MYO3B: variants seen among roughly 807,000 people sequenced by gnomAD.
MYO3B encodes myosin-IIIb.
MYO3B carries 156 observed loss-of-function variants against 174.6 expected under a neutral mutation model. The ratio of observed to expected loss-of-function variants is 0.89; its 90% CI spans 0.78 to 1.02. MYO3B has a LOEUF of 1.02. Ranked by LOEUF, MYO3B falls within the 50% of genes least tolerant of loss-of-function variation. MYO3B has a pLI of 0.00. For missense variants in MYO3B, 1,632 were observed against 1,639.4 expected, an observed-to-expected ratio of 1.00 and a Z score of 0.08; for synonymous variants, 563 against 569.1, an observed-to-expected ratio of 0.99 and a Z score of 0.15.
chr2:170,188,668 T>G (rs1432959192), intron 1 of MYO3B, among the ~76,000 whole-genome samples: 2 of 152,194 alleles, frequency 1.3e-5, no homozygotes, highest in African/African-American at 2.4e-5. Flanking sequence ...TTGCAAATAA[T>G]AGCTTATAAT....
chr2:170,431,759 A>G (rs17498062), intron 22 of MYO3B, among the ~76,000 whole-genome samples: 11,782 of 152,270 alleles, frequency 0.077, 556 homozygotes, highest in Non-Finnish European at 0.1. Flanking sequence ...CCTTTCTTCA[A>G]TAAAACCGAT....
At chr2:170,620,322 A>T (rs1042807373) in intron 32 of MYO3B, among the ~76,000 whole-genome samples, 2 of 152,216 alleles carry the variant, frequency 1.3e-5, no homozygotes, top group Non-Finnish European at 2.9e-5. Context: ...AATTAATAAG[A>T]GTTTACTGTA....
chr2:170,395,120 A>G (rs959757416), intron 16 of MYO3B, among the ~76,000 whole-genome samples: 1 of 152,198 alleles, frequency 6.6e-6, no homozygotes, highest in South Asian at 2.1e-4. Context: ...CAGCCAAAGT[A>G]TCTGAAAGAA....
At chr2:170,186,733 C>A (rs531159265) in intron 1 of MYO3B, among the ~76,000 whole-genome samples, 46 of 152,220 alleles carry the variant, frequency 3.0e-4, no homozygotes, top group African/African-American at 1.1e-3. Flanking sequence ...TAAAATTCAG[C>A]AGTGAAGCCA....
rs556602863 is a variant in MYO3B at position 170,478,762 on chromosome 2, G to T, written c.3014+12051G>T. On this transcript the variant is annotated intron_variant, in intron 25 of 34. Transcript: ENST00000408978. ...TTTTTTGTATTTTTAGTAGAGATGGGGTTTCACCATGTTGGCCAGGCTGAT... is the reference window on the plus strand; with the variant it reads ...TTTTTTGTATTTTTAGTAGAGATGGTGTTTCACCATGTTGGCCAGGCTGAT... Among the ~76,000 whole-genome samples, 91 of 149,106 alleles carry T rather than the reference G, an allele frequency of 6.1e-4. 1 individual carries two copies. Among genetic ancestry groups the T allele is most frequent in the African/African-American group, 2.1e-3 (86 of 40,616 alleles).
intron 6 of MYO3B, among the ~76,000 whole-genome samples, chr2:170,225,341 A>G (rs2105391526): frequency 6.6e-6 from 1 of 152,342 alleles, no homozygotes; most frequent in South Asian, 2.1e-4. Flanking sequence ...TTTGTCTCCA[A>G]AGTCCTTACT....
At chr2:170,338,965 C>T (rs1219265433) in intron 8 of MYO3B, among the ~76,000 whole-genome samples, 3 of 152,174 alleles carry the variant, frequency 2.0e-5, no homozygotes, top group Non-Finnish European at 4.4e-5. Flanking sequence ...ATTACTCAGC[C>T]TATCAAATGC....
At chr2:170,202,337 T>C (rs2092670922) in intron 3 of MYO3B, among the ~76,000 whole-genome samples, 1 of 152,214 alleles carries the variant, frequency 6.6e-6, no homozygotes, top group Non-Finnish European at 1.5e-5. Context: ...TATGAGATAC[T>C]GGGTGTCCTC....
chr2:170,495,787 G>T (rs887075796), intron 25 of MYO3B, among the ~76,000 whole-genome samples: 1 of 152,174 alleles, frequency 6.6e-6, no homozygotes, highest in Admixed American at 6.5e-5. Flanking sequence ...GTAAATGGCT[G>T]GTCCTAAAAG....
At chr2:170,483,099 A>C (rs1208136688) in intron 25 of MYO3B, among the ~76,000 whole-genome samples, 1 of 152,268 alleles carries the variant, frequency 6.6e-6, no homozygotes, top group Admixed American at 6.5e-5. Context: ...TGGTGGTTTG[A>C]AAAAGTGGAT....
intron 5 of MYO3B, among the ~76,000 whole-genome samples, chr2:170,215,287 T>C (rs1017771813): frequency 6.6e-6 from 1 of 152,192 alleles, no homozygotes; most frequent in Non-Finnish European, 1.5e-5. Flanking sequence ...CCTTTTAAAT[T>C]GTGTTTACTG....
chr2:170,292,713 G>T (rs1015959265), intron 7 of MYO3B, among the ~76,000 whole-genome samples: 1 of 152,060 alleles, frequency 6.6e-6, no homozygotes, highest in African/African-American at 2.4e-5. Flanking sequence ...CAACCAGTGT[G>T]GGAAGGCTGG....
chr2:170,388,728 G>T (rs956899543), intron 14 of MYO3B, among the ~76,000 whole-genome samples: 1 of 152,162 alleles, frequency 6.6e-6, no homozygotes, highest in Non-Finnish European at 1.5e-5. Flanking sequence ...AGACTAAGGC[G>T]GTGGCAGTGG....
At chr2:170,456,853 C>T (rs1049387351) in intron 23 of MYO3B, among the ~76,000 whole-genome samples, 1 of 152,174 alleles carries the variant, frequency 6.6e-6, no homozygotes, top group Admixed American at 6.5e-5. Context: ...ATTCTGAGGA[C>T]TCTGTCATTG....
At chr2:170,574,091 C>T (rs926266517) in intron 32 of MYO3B, among the ~76,000 whole-genome samples, 1 of 152,142 alleles carries the variant, frequency 6.6e-6, no homozygotes, top group African/African-American at 2.4e-5. Context: ...TGCTTCAGAA[C>T]CCTGAAGCAC....
At chr2:170,241,557 A>C (rs753901877) in intron 7 of MYO3B, among the ~76,000 whole-genome samples, 2 of 152,208 alleles carry the variant, frequency 1.3e-5, no homozygotes, top group Non-Finnish European at 2.9e-5. Flanking sequence ...GTCAAGGAGC[A>C]CATCAGTTTA....
intron 23 of MYO3B, among the ~76,000 whole-genome samples, chr2:170,457,848 G>A (rs183943280): frequency 1.8e-4 from 28 of 152,186 alleles, no homozygotes; most frequent in African/African-American, 6.3e-4. Flanking sequence ...TCTGCCTCCC[G>A]GGTTCAAGCA....
chr2:170,214,525 G>C (rs1263424863), intron 4 of MYO3B, 42 bp downstream of exon 4: 1 of 1,580,382 alleles, frequency 6.3e-7, no homozygotes, highest in African/African-American at 1.3e-5. Context: ...CAGATGGGAT[G>C]GTTTGTTCAT....
chr2:170,183,627 C>T (rs2092430126), intron 1 of MYO3B, among the ~76,000 whole-genome samples: 2 of 152,172 alleles, frequency 1.3e-5, no homozygotes, highest in South Asian at 2.1e-4. Context: ...AATCATTCCA[C>T]TATTTATTTT....
Sources: allele counts gnomAD v4.1 joint callset (sites outside exome capture counted in the v4.1 genomes callset), GRCh38; gene constraint gnomAD v4.1.1; transcripts MANE v1.5; gene names NCBI Gene and HGNC (gene_info 2026-07-23, HGNC 2026-07-21).